The following PVT1 variants were observed in gnomAD, a reference collection of about 807,000 sequenced individuals.
PVT1 encodes CXCR4/PVT1 fusion.
At chr8:128,032,648 G>C (rs1813405622) in intron 4 of PVT1, among the ~76,000 whole-genome samples, 1 of 152,160 alleles carries the variant, frequency 6.6e-6, no homozygotes, top group Admixed American at 6.5e-5. Context: ...TACATATCTG[G>C]GGAGATTGGC....
intron 3 of PVT1, among the ~76,000 whole-genome samples, chr8:127,984,964 CT>C (rs1816943824): frequency 7.3e-6 from 1 of 137,394 alleles, no homozygotes; most frequent in Non-Finnish European, 1.5e-5. Context: ...TCCTTCCTTC[CT>C]CCCTCCTTCC....
chr8:127,876,286 G>T (rs1815404983), intron 2 of PVT1, among the ~76,000 whole-genome samples: 1 of 150,958 alleles, frequency 6.6e-6, no homozygotes, highest in African/African-American at 2.4e-5. Flanking sequence ...GTGTGTGTAT[G>T]TGTGGTTTCA....
intron 3 of PVT1, among the ~76,000 whole-genome samples, chr8:127,979,012 C>T (rs1478462759): frequency 6.6e-6 from 1 of 152,186 alleles, no homozygotes; most frequent in Non-Finnish European, 1.5e-5. Context: ...CCATTTTTAG[C>T]ATTATTGTTA....
intron 4 of PVT1, among the ~76,000 whole-genome samples, chr8:128,031,923 C>G (rs77863964): frequency 6.6e-5 from 10 of 152,290 alleles, no homozygotes; most frequent in African/African-American, 2.4e-4. Context: ...TCCCCCTAGC[C>G]TTTGGAATAT....
intron 3 of PVT1, among the ~76,000 whole-genome samples, chr8:127,936,273 A>G (rs1243728977): frequency 6.6e-6 from 1 of 151,836 alleles, no homozygotes; most frequent in Non-Finnish European, 1.5e-5. Flanking sequence ...GCTGGTCTCC[A>G]ACTCCCGACC....
At chr8:127,953,860 C>T (rs757868380) in intron 3 of PVT1, among the ~76,000 whole-genome samples, 4 of 152,040 alleles carry the variant, frequency 2.6e-5, no homozygotes, top group Non-Finnish European at 5.9e-5. Context: ...CTACAGCTCA[C>T]GTAGGTGCCT....
chr8:127,915,995 C>A (rs560747821), intron 3 of PVT1, among the ~76,000 whole-genome samples: 1 of 152,368 alleles, frequency 6.6e-6, no homozygotes, highest in South Asian at 2.1e-4. Flanking sequence ...CAATCCCACC[C>A]TGGCCACTAG....
chr8:127,879,022 G>A (rs993228723), intron 2 of PVT1, among the ~76,000 whole-genome samples: 1 of 152,230 alleles, frequency 6.6e-6, no homozygotes, highest in African/African-American at 2.4e-5. Flanking sequence ...ATTACTGAGG[G>A]AAAAAGAGCA....
chr8:127,817,544 T>TACACAC (rs558276115), intron 2 of PVT1, among the ~76,000 whole-genome samples: 1 of 117,866 alleles, frequency 8.5e-6, no homozygotes, highest in African/African-American at 3.4e-5. Flanking sequence ...TATATATATA[T>TACACAC]ATACACACAC....
At chr8:128,096,580 T>C (rs759638470) in exon 6 of PVT1, 1 of 151,642 alleles carries the variant, frequency 6.6e-6, no homozygotes, top group Non-Finnish European at 1.5e-5. Flanking sequence ...CCAGGAACGC[T>C]TGGAGGCTGA....
chr8:127,847,686 T>C (rs1238515833), intron 2 of PVT1, among the ~76,000 whole-genome samples: 1 of 152,158 alleles, frequency 6.6e-6, no homozygotes, highest in Non-Finnish European at 1.5e-5. Context: ...TCTCAGGATG[T>C]ATTGTTGACA....
rs537571969 is a variant in PVT1 at position 127,950,315 on chromosome 8, G to A, written n.783-38847G>A. Reference sequence around the variant, plus strand: ...GTTATTACTCTCCCTGCATAGGAGTGGGAGGCTGAGACCTGGGTGTTTCTG... The same window carrying A: ...GTTATTACTCTCCCTGCATAGGAGTAGGAGGCTGAGACCTGGGTGTTTCTG... On this transcript the variant is annotated intron_variant and non_coding_transcript_variant, in intron 3 of 10. Coordinates refer to ENST00000651587, the Ensembl canonical transcript of PVT1. 8.7e-4 allele frequency among the ~76,000 whole-genome samples: 133 copies of A among 152,332 alleles called. 2 individuals carry two copies. In the South Asian group the frequency reaches 0.026, roughly 30 times the overall value.
chr8:128,064,327 C>T (rs13255292), intron 4 of PVT1, among the ~76,000 whole-genome samples: 37,175 of 152,202 alleles, frequency 0.24, 5,452 homozygotes, highest in Middle Eastern at 0.35. Flanking sequence ...TCTGGTGGAA[C>T]GTGTGGGCTC....
chr8:128,094,195 G>A (rs551804029), intron 5 of PVT1, among the ~76,000 whole-genome samples: 2 of 152,264 alleles, frequency 1.3e-5, no homozygotes, highest in Admixed American at 1.3e-4. Flanking sequence ...CCAGTCCACA[G>A]CCTGTTTTTG....
chr8:127,842,693 G>A (rs1586402741), intron 2 of PVT1, among the ~76,000 whole-genome samples: 2 of 152,134 alleles, frequency 1.3e-5, no homozygotes, highest in East Asian at 3.8e-4. Flanking sequence ...GTGAGACAGG[G>A]CCAATAATGA....
At chr8:128,026,140 A>C (rs555437141) in intron 4 of PVT1, among the ~76,000 whole-genome samples, 2 of 152,148 alleles carry the variant, frequency 1.3e-5, no homozygotes, top group Non-Finnish European at 2.9e-5. Context: ...ATGAGGTTTC[A>C]CCATGTTGGC....
At chr8:128,042,783 A>ATTTTATTTTATTTTATTTTATTTTATTTT (rs1563673658) in intron 4 of PVT1, among the ~76,000 whole-genome samples, 1 of 151,264 alleles carries the variant, frequency 6.6e-6, no homozygotes, top group Non-Finnish European at 1.5e-5. Flanking sequence ...ATTTTATTTT[A>ATTTTATTTTATTTTATTTTATTTTATTTT]AGAGAGATCT....
At chr8:128,096,352 A>G (rs1260403960) in intron 5 of PVT1, among the ~76,000 whole-genome samples, 1 of 152,238 alleles carries the variant, frequency 6.6e-6, no homozygotes, top group Admixed American at 6.5e-5. Context: ...GGTATCTAGA[A>G]TGGTGAAGGA....
intron 3 of PVT1, among the ~76,000 whole-genome samples, chr8:127,950,343 T>G (rs966325178): frequency 1.3e-5 from 2 of 152,186 alleles, no homozygotes; most frequent in Non-Finnish European, 2.9e-5. Flanking sequence ...TGTTTCTGGG[T>G]GTCCCAGCTC....
Sources: gnomAD v4.1 joint callset for allele counts (sites outside exome capture counted in the v4.1 genomes callset) on GRCh38, gnomAD v4.1.1 for gene constraint, MANE v1.5 for transcripts, NCBI Gene and HGNC (gene_info 2026-07-23, HGNC 2026-07-21) for gene names.